The following LDLRAD4 variants were observed in gnomAD, a reference collection of about 807,000 sequenced individuals.
LDLRAD4 encodes the protein low density lipoprotein receptor class A domain containing 4.
Under a neutral mutation model 17.0 loss-of-function variants are expected in LDLRAD4, and 5 were observed. The observed-to-expected ratio is 0.29, with a 90% confidence interval of 0.15 to 0.62. The LOEUF (loss-of-function observed/expected upper bound fraction) is 0.62, where lower values mean the gene tolerates loss of function less well. Among genes scored for constraint, LDLRAD4 ranks in the 20% least tolerant of loss-of-function variants. LDLRAD4 has a pLI of 0.84. For missense variants in LDLRAD4, 340 were observed against 424.7 expected, an observed-to-expected ratio of 0.80 and a Z score of 1.75; for synonymous variants, 168 against 171.8, an observed-to-expected ratio of 0.98 and a Z score of 0.17.
At chr18:13,558,019 TTTGA>T (rs778024279) in intron 3 of LDLRAD4, among the ~76,000 whole-genome samples, 38 of 152,348 alleles carry the variant, frequency 2.5e-4, no homozygotes, top group East Asian at 1.9e-3. Flanking sequence ...TTTTGCAAAC[TTTGA>T]TTGGCACTTT....
intron 1 of LDLRAD4, among the ~76,000 whole-genome samples, chr18:13,378,517 G>A (rs1294053024): frequency 6.6e-6 from 1 of 152,160 alleles, no homozygotes; most frequent in Non-Finnish European, 1.5e-5. Context: ...CCTGCGTGAT[G>A]ATTTTCCGAG....
chr18:13,642,596 C>G, intron 4 of LDLRAD4: 2 of 1,229,520 alleles, frequency 1.6e-6, no homozygotes, highest in East Asian at 3.2e-5. Flanking sequence ...CGGAAAGGGC[C>G]GTCCACCTGC....
At chr18:13,356,936 C>T (rs534362964) in intron 1 of LDLRAD4, among the ~76,000 whole-genome samples, 1 of 152,148 alleles carries the variant, frequency 6.6e-6, no homozygotes, top group East Asian at 1.9e-4. Context: ...GAGGTCAAGA[C>T]CAGCCTGGCC....
At chr18:13,529,222 G>C (rs988420217) in intron 3 of LDLRAD4, among the ~76,000 whole-genome samples, 1 of 152,176 alleles carries the variant, frequency 6.6e-6, no homozygotes, top group Non-Finnish European at 1.5e-5. Context: ...CCAGTTGCCC[G>C]GCACTGGCCA....
chr18:13,528,779 A>G (rs1266836949), intron 3 of LDLRAD4, among the ~76,000 whole-genome samples: 1 of 152,178 alleles, frequency 6.6e-6, no homozygotes, highest in South Asian at 2.1e-4. Flanking sequence ...TTCCCATTGC[A>G]CACCCCACTG....
chr18:13,444,627 C>T (rs1439502757), intron 3 of LDLRAD4, among the ~76,000 whole-genome samples: 1 of 152,186 alleles, frequency 6.6e-6, no homozygotes, highest in Non-Finnish European at 1.5e-5. Context: ...AGAGTGTTGA[C>T]TGGAGACTGT....
intron 2 of LDLRAD4, chr18:13,420,223 A>G (rs1201210162): frequency 6.6e-6 from 1 of 152,240 alleles, no homozygotes; most frequent in Non-Finnish European, 1.5e-5. Context: ...CTGACAAAGC[A>G]TTGCTTTCTT....
At position 13,303,958 on chromosome 18, in the gene LDLRAD4, T is replaced by G. The variant is rs149788074; in HGVS notation, c.-383+25770T>G. On this transcript the variant is annotated intron_variant, in intron 1 of 5. Coordinates refer to ENST00000359446, the Ensembl canonical transcript of LDLRAD4. ...CATCTGCAAACTATGGCCTGAAGTG[T>G]TGGTAGACAGTGCAGTTGTCACCAG... Among the ~76,000 whole-genome samples the G allele has an allele frequency of 1.7e-3, 266 of 152,354 alleles. 1 individual carries two copies. Among genetic ancestry groups the G allele is most frequent in the African/African-American group, 6.2e-3 (258 of 41,582 alleles).
chr18:13,642,385 G>C, intron 4 of LDLRAD4: 1 of 1,055,238 alleles, frequency 9.5e-7, no homozygotes, highest in Non-Finnish European at 1.1e-6. Flanking sequence ...GGCTGAAAAG[G>C]GTACCACGCG....
chr18:13,435,513 C>T (rs1276697386), intron 2 of LDLRAD4, among the ~76,000 whole-genome samples: 1 of 152,184 alleles, frequency 6.6e-6, no homozygotes, highest in Non-Finnish European at 1.5e-5. Flanking sequence ...GTAGCATGAT[C>T]ATAGCTCACT....
At chr18:13,421,615 A>G (rs941395238) in intron 2 of LDLRAD4, among the ~76,000 whole-genome samples, 7 of 152,088 alleles carry the variant, frequency 4.6e-5, no homozygotes, top group Non-Finnish European at 8.8e-5. Flanking sequence ...TCTGGCCTTC[A>G]CGCGTCAGAA....
chr18:13,374,600 C>A (rs188330154), intron 1 of LDLRAD4, among the ~76,000 whole-genome samples: 1 of 152,344 alleles, frequency 6.6e-6, no homozygotes, highest in African/African-American at 2.4e-5. Flanking sequence ...CCAGAACAGC[C>A]GTGCATCAGA....
intron 1 of LDLRAD4, among the ~76,000 whole-genome samples, chr18:13,369,250 G>C (rs2084285691): frequency 6.6e-6 from 1 of 152,172 alleles, no homozygotes; most frequent in Non-Finnish European, 1.5e-5. Context: ...TGTTTATAGA[G>C]CACCTGTATT....
chr18:13,514,537 G>C (rs1036180483), intron 3 of LDLRAD4: 1 of 152,214 alleles, frequency 6.6e-6, no homozygotes, highest in Non-Finnish European at 1.5e-5. Context: ...AGAGACAGAC[G>C]AGGTAATGGG....
chr18:13,400,109 C>A (rs570710354), intron 2 of LDLRAD4, among the ~76,000 whole-genome samples: 7 of 152,272 alleles, frequency 4.6e-5, no homozygotes, highest in African/African-American at 1.4e-4. Context: ...TTGAATTTTA[C>A]GCTGGGCACT....
rs530121023 is a variant in LDLRAD4, at chr18:13,282,928, T to A, written c.-383+4740T>A. 5.3e-5 allele frequency among the ~76,000 whole-genome samples: 8 copies of A among 152,354 alleles called. No individual in the cohort carries two copies. The East Asian group carries it at 1.5e-3, about 29-fold the overall frequency. ...GGCGGAGGTTCCCAAACCTCAATTCTTGACTTCTGTGTACCCGCAGGCTCA... is the reference window on the plus strand; with the variant it reads ...GGCGGAGGTTCCCAAACCTCAATTCATGACTTCTGTGTACCCGCAGGCTCA... On this transcript the variant is annotated intron_variant, in intron 1 of 5. Transcript: ENST00000359446.
At chr18:13,498,743 C>T (rs565041364) in intron 3 of LDLRAD4, among the ~76,000 whole-genome samples, 2 of 150,478 alleles carry the variant, frequency 1.3e-5, no homozygotes, top group African/African-American at 4.9e-5. Context: ...ACTGGAGAAT[C>T]CTTCTGCCCA....
At chr18:13,422,538 A>T (rs2089575353) in intron 2 of LDLRAD4, among the ~76,000 whole-genome samples, 1 of 150,862 alleles carries the variant, frequency 6.6e-6, no homozygotes, top group Non-Finnish European at 1.5e-5. Context: ...TCTCTACCAA[A>T]AAAAAAAAAA....
intron 2 of LDLRAD4, among the ~76,000 whole-genome samples, chr18:13,399,545 G>A (rs1173448040): frequency 6.6e-6 from 1 of 152,196 alleles, no homozygotes; most frequent in Non-Finnish European, 1.5e-5. Flanking sequence ...TGACTTTATG[G>A]CAACAGGCAG....
Sources: gnomAD v4.1 joint callset for allele counts (sites outside exome capture counted in the v4.1 genomes callset) on GRCh38, gnomAD v4.1.1 for gene constraint, MANE v1.5 for transcripts, NCBI Gene and HGNC (gene_info 2026-07-23, HGNC 2026-07-21) for gene names.